The following HYDIN variants were observed in gnomAD, a reference collection of about 807,000 sequenced individuals.
The protein encoded by HYDIN is axonemal central pair apparatus protein HYDIN.
HYDIN carries 132 observed loss-of-function variants against 403.9 expected under a neutral mutation model. The ratio of observed to expected loss-of-function variants is 0.33; its 90% confidence interval spans 0.28 to 0.38. The LOEUF (loss-of-function observed/expected upper bound fraction) is 0.38. Among genes scored for constraint, HYDIN ranks in the 10% least tolerant of loss-of-function variants. The pLI is 1.00. For synonymous variants in HYDIN, 1,202 were observed against 1,891.7 expected (o/e 0.64, Z 9.46); for missense variants, 2,827 against 5,009.5 (o/e 0.56, Z 13.15).
chr16:71,028,386 C>T (rs1393568446), intron 19 of HYDIN, among the ~76,000 whole-genome samples: 4 of 151,842 alleles, frequency 2.6e-5, no homozygotes, highest in Admixed American at 1.3e-4. Context: ...ATTGGTCACC[C>T]ATCTCAGACT....
intron 18 of HYDIN, among the ~76,000 whole-genome samples, chr16:71,056,662 T>G (rs1453167847): frequency 6.6e-6 from 1 of 152,376 alleles, no homozygotes; most frequent in African/African-American, 2.4e-5. Flanking sequence ...ATTCACCCTA[T>G]GGCCAAAAGA....
At chr16:71,227,389 T>C (rs1001972214) in intron 1 of HYDIN, among the ~76,000 whole-genome samples, 6 of 152,192 alleles carry the variant, frequency 3.9e-5, no homozygotes, top group African/African-American at 1.2e-4. Context: ...TGTTTGCAGA[T>C]GACATGATTG....
At chr16:71,099,993 G>A (rs2083406807) in intron 10 of HYDIN, among the ~76,000 whole-genome samples, 1 of 152,058 alleles carries the variant, frequency 6.6e-6, no homozygotes, top group East Asian at 1.9e-4. Context: ...AACAGAGCAA[G>A]AAGTGGTCTC....
At chr16:70,861,310 GAGGTGGCCT>G (rs2039401495) in intron 69 of HYDIN, among the ~76,000 whole-genome samples, 1 of 151,736 alleles carries the variant, frequency 6.6e-6, no homozygotes, top group Non-Finnish European at 1.5e-5. Context: ...GGACCAAGCT[GAGGTGGCCT>G]AGGTGTGGGA....
chr16:70,928,499 T>C (rs2077223093), intron 45 of HYDIN, among the ~76,000 whole-genome samples: 1 of 150,962 alleles, frequency 6.6e-6, no homozygotes, highest in South Asian at 2.1e-4. Flanking sequence ...AATGGGTCCA[T>C]GTGGTTAAAT....
At chr16:70,820,942 C>A (rs1169609741) in intron 83 of HYDIN, among the ~76,000 whole-genome samples, 3 of 151,966 alleles carry the variant, frequency 2.0e-5, no homozygotes, top group Admixed American at 1.3e-4. Context: ...AGCCACTGCA[C>A]CTGGCCTTTA....
Position 70,920,719 on chromosome 16 carries a change from C to A in HYDIN, c.7657G>T (p.Glu2553Ter), listed in dbSNP as rs1365095297. The A allele has an allele frequency of 6.3e-7, 1 of 1,592,740 alleles. No individual in the cohort carries two copies. The part of the protein sequence containing the change: ...EERSDWEGEG[E>*]EDHEGKKEKD... ...TCCTTCTTCCCTTCGTGGTCCTCCT[C>A]CCCTTCCCCCTCCCAGTCGCTCCGC... The change falls in exon 46 of 86, where the codon GAG becomes TAG. Residue 2553 changes from glutamate to a stop codon, truncating the protein, a stop_gained. Transcript: ENST00000393567. LOFTEE classifies it high-confidence loss of function.
At chr16:71,196,022 T>C (rs373061259) in intron 1 of HYDIN, among the ~76,000 whole-genome samples, 2 of 152,324 alleles carry the variant, frequency 1.3e-5, no homozygotes, top group East Asian at 3.9e-4. Flanking sequence ...AAAGGTATGG[T>C]TGCAAAAAGT....
At chr16:70,931,069 C>G (rs2077306081) in intron 45 of HYDIN, among the ~76,000 whole-genome samples, 2 of 151,912 alleles carry the variant, frequency 1.3e-5, no homozygotes, top group African/African-American at 4.8e-5. Flanking sequence ...TTAAAAAGAA[C>G]CAAGTGGAAA....
Position 71,098,444 on chromosome 16 carries a change from C to T in HYDIN, c.1328-4509G>A, listed in dbSNP as rs1326431594. Among the ~76,000 whole-genome samples, 10 of 151,794 alleles carry T rather than the reference C, an allele frequency of 6.6e-5. 1 individual carries two copies. Among genetic ancestry groups the T allele is most frequent in the Middle Eastern group, 6.8e-3 (2 of 292 alleles). ...GTCTCGATCTCCCAACCTCAAGATC[C>T]GCCCGCCTCAGCCTCCCAAAGTGCT... On this transcript the variant is annotated intron_variant, in intron 10 of 85. Coordinates refer to ENST00000393567, the MANE Select transcript of HYDIN (RefSeq NM_001270974.2).
Position 71,230,574 on chromosome 16 carries a change from CG to C in HYDIN, c.-37del. 6.5e-7 allele frequency: 1 copy of C among 1,535,456 alleles called. No individual in the cohort carries two copies. The highest frequency in any genetic ancestry group is 1.2e-5 in the South Asian group (1 of 83,954). The stretch of plus-strand genomic sequence containing the variant: ...GAGGACCTCTGACCTTGGTGCACTC[CG>C]GGTCCCACGTTTATTCTACCTCCAT... On this transcript the variant is annotated 5_prime_UTR_variant, in exon 1 of 86. Coordinates refer to ENST00000393567, the MANE Select transcript of HYDIN (RefSeq NM_001270974.2).
chr16:70,984,936 C>T, intron 28 of HYDIN: 1 of 396,766 alleles, frequency 2.5e-6, no homozygotes, highest in Non-Finnish European at 4.6e-6. Flanking sequence ...AAAAAAAATC[C>T]ATGGGTTGCA....
chr16:70,888,278 T>C (rs574309362), intron 58 of HYDIN, among the ~76,000 whole-genome samples: 1 of 152,292 alleles, frequency 6.6e-6, no homozygotes, highest in Non-Finnish European at 1.5e-5. Flanking sequence ...GATTTTCAAC[T>C]GAAACCTGGA....
intron 1 of HYDIN, among the ~76,000 whole-genome samples, chr16:71,218,801 A>T (rs1211199409): frequency 2.0e-5 from 3 of 152,190 alleles, no homozygotes; most frequent in Non-Finnish European, 4.4e-5. Context: ...CTCTAGCAGC[A>T]AAAGGATTAT....
intron 1 of HYDIN, among the ~76,000 whole-genome samples, chr16:71,197,467 C>G (rs2087756916): frequency 1.3e-5 from 2 of 152,076 alleles, no homozygotes; most frequent in Non-Finnish European, 2.9e-5. Context: ...TTTGATTGAG[C>G]AGGTGATAAA....
At chr16:71,176,201 A>G (rs1022524183) in intron 4 of HYDIN, among the ~76,000 whole-genome samples, 4 of 149,310 alleles carry the variant, frequency 2.7e-5, no homozygotes, top group African/African-American at 1.0e-4. Flanking sequence ...GCTACTGGGG[A>G]GGCTGAGGCA....
At chr16:70,866,474 C>A in intron 66 of HYDIN, 145 bp from the exon 67 acceptor site, 1 of 603,680 alleles carries the variant, frequency 1.7e-6, no homozygotes, top group Non-Finnish European at 2.8e-6. Flanking sequence ...TGGTGGATCA[C>A]TAGGGAACAG....
intron 83 of HYDIN, among the ~76,000 whole-genome samples, chr16:70,824,936 A>G: frequency 6.6e-6 from 1 of 151,678 alleles, no homozygotes; most frequent in Admixed American, 6.6e-5. Flanking sequence ...TGCAACCTCA[A>G]TCTCCTGGGC....
At chr16:70,980,950 T>C (rs1420025463) in intron 29 of HYDIN, among the ~76,000 whole-genome samples, 1 of 152,036 alleles carries the variant, frequency 6.6e-6, no homozygotes, top group East Asian at 1.9e-4. Context: ...CCCTGTGTAA[T>C]GCCAAAATAA....
Sources: allele counts gnomAD v4.1 joint callset (sites outside exome capture counted in the v4.1 genomes callset), GRCh38; gene constraint gnomAD v4.1.1; transcripts MANE v1.5; gene names NCBI Gene and HGNC (gene_info 2026-07-23, HGNC 2026-07-21).